The following TAMM41 variants were observed in gnomAD, a reference collection of about 807,000 sequenced individuals.
TAMM41 encodes the protein TAM41 mitochondrial translocator assembly and maintenance homolog.
A neutral mutation model predicts 44.1 loss-of-function variants in TAMM41; 36 were observed. The observed-to-expected ratio is 0.82, with a 90% CI of 0.63 to 1.08. The LOEUF is 1.08. TAMM41 is among the 50% of genes least tolerant of loss of function. TAMM41 has a pLI of 0.00. For synonymous variants in TAMM41, 164 were observed against 153.1 expected (o/e 1.07, Z -0.53); for missense variants, 417 against 404.3 (o/e 1.03, Z -0.27).
chr3:11,746,039 G>A, the TAMM41 span, among the ~76,000 whole-genome samples: 1 of 152,146 alleles, frequency 6.6e-6, no homozygotes, highest in Admixed American at 6.6e-5. Flanking sequence ...GGTCGCTCAC[G>A]CCTGTAATCC....
chr3:11,735,608 C>T, the TAMM41 span, among the ~76,000 whole-genome samples: 3 of 151,990 alleles, frequency 2.0e-5, no homozygotes, highest in Non-Finnish European at 4.4e-5. Flanking sequence ...GCACTCCAGC[C>T]TGGGTAACAA....
chr3:11,756,585 G>T, the TAMM41 span, among the ~76,000 whole-genome samples: 1 of 152,188 alleles, frequency 6.6e-6, no homozygotes, highest in African/African-American at 2.4e-5. Flanking sequence ...GTCTTCTGGG[G>T]CCAGGTGTGG....
the TAMM41 span, among the ~76,000 whole-genome samples, chr3:11,727,795 T>C: frequency 6.6e-6 from 1 of 150,796 alleles, no homozygotes; most frequent in Non-Finnish European, 1.5e-5. Context: ...TTAATTTTTT[T>C]TTTTTTTTTG....
intron 2 of TAMM41, among the ~76,000 whole-genome samples, chr3:11,842,221 C>G (rs1343796974): frequency 6.6e-6 from 1 of 151,858 alleles, no homozygotes; most frequent in Non-Finnish European, 1.5e-5. Context: ...AAACCCCACT[C>G]TACTAAAAAC....
intron 5 of TAMM41, among the ~76,000 whole-genome samples, chr3:11,815,898 C>T (rs1005314783): frequency 7.2e-5 from 11 of 152,136 alleles, no homozygotes; most frequent in South Asian, 6.2e-4. Context: ...AATGTGGGAA[C>T]GTATGCAGCA....
the TAMM41 span, among the ~76,000 whole-genome samples, chr3:11,768,104 C>T: frequency 6.6e-5 from 10 of 150,494 alleles, no homozygotes; most frequent in African/African-American, 2.4e-4. Flanking sequence ...GCTTATTGGC[C>T]ATTTGCATAT....
At chr3:11,786,088 TCG>T (rs1474507528), downstream of TAMM41, among the ~76,000 whole-genome samples, 13 of 152,114 alleles carry the variant, frequency 8.5e-5, no homozygotes, top group Non-Finnish European at 7.4e-5. Flanking sequence ...AGACAGAGTC[TCG>T]CTCTGGTGCC....
At position 11,809,507 on chromosome 3, in the gene TAMM41, A is replaced by T. The variant is rs1248556056; in HGVS notation, c.874+10T>A. 12 of 1,612,674 alleles carry T rather than the reference A, an allele frequency of 7.4e-6. No individual in the cohort carries two copies. The highest frequency in any genetic ancestry group is 9.3e-6 in the Non-Finnish European group (11 of 1,179,738). ...CTGGCATTTCCTCAACATCAAATTC[A>T]TAAACGTACCTAGTCGCACCACATC... On this transcript the variant is annotated intron_variant, in intron 6 of 7. Transcript: ENST00000455809.
chr3:11,841,210 G>A (rs902993857), intron 2 of TAMM41, among the ~76,000 whole-genome samples: 1 of 151,204 alleles, frequency 6.6e-6, no homozygotes, highest in Admixed American at 6.6e-5. Context: ...AGTCTCCAGA[G>A]TAGCTGGAAC....
chr3:11,755,400 A>G, the TAMM41 span, among the ~76,000 whole-genome samples: 1 of 152,150 alleles, frequency 6.6e-6, no homozygotes, highest in African/African-American at 2.4e-5. Context: ...GGGATTGAGG[A>G]AGGCCTGTTG....
In TAMM41 at chr3:11,839,240, A is replaced by G. The variant is rs1244318352; in HGVS notation, c.393T>C (p.Ala131=). The change falls in exon 3 of 8, where the codon GCT becomes GCC. Residue 131 remains alanine (A), a synonymous_variant. Coordinates refer to ENST00000455809, the MANE Select transcript of TAMM41 (RefSeq NM_001284401.2). ...DLLNWNNLYI[A]GRLQKPVKII... Reference sequence around the variant, plus strand: ...CACTCACCGGTTTTTGGAGTCGTCCAGCAATGTATAAGTTATTCCAGTTGA... The same window carrying G: ...CACTCACCGGTTTTTGGAGTCGTCCGGCAATGTATAAGTTATTCCAGTTGA... 1.9e-6 allele frequency: 3 copies of G among 1,613,442 alleles called. No individual in the cohort carries two copies. Among genetic ancestry groups the G allele is most frequent in the Admixed American group, 3.3e-5 (2 of 60,018 alleles).
At chr3:11,833,310 G>A (rs193193518) in intron 3 of TAMM41, among the ~76,000 whole-genome samples, 1 of 152,308 alleles carries the variant, frequency 6.6e-6, no homozygotes, top group Admixed American at 6.5e-5. Context: ...TTTCAAAGGA[G>A]ATATTTGTGA....
At chr3:11,795,734 G>A (rs981584877) in intron 7 of TAMM41, among the ~76,000 whole-genome samples, 4 of 152,084 alleles carry the variant, frequency 2.6e-5, no homozygotes, top group Non-Finnish European at 4.4e-5. Context: ...CCACACCAGA[G>A]TACTCAGACA....
At chr3:11,723,830 A>G in the TAMM41 span, among the ~76,000 whole-genome samples, 1 of 152,088 alleles carries the variant, frequency 6.6e-6, no homozygotes, top group African/African-American at 2.4e-5. Flanking sequence ...ATGAGAATAT[A>G]TTTCAACCCA....
intron 5 of TAMM41, among the ~76,000 whole-genome samples, chr3:11,812,790 T>C (rs1249734337): frequency 6.6e-6 from 1 of 152,026 alleles, no homozygotes; most frequent in South Asian, 2.1e-4. Flanking sequence ...ATTTTGATGG[T>C]TAGTGGACAA....
intron 3 of TAMM41, among the ~76,000 whole-genome samples, chr3:11,831,308 G>A (rs1293997975): frequency 1.3e-5 from 2 of 152,176 alleles, no homozygotes; most frequent in East Asian, 1.9e-4. Context: ...GCAATGCCCA[G>A]GGACCACATT....
the TAMM41 span, among the ~76,000 whole-genome samples, chr3:11,738,284 C>G: frequency 2.0e-5 from 3 of 152,168 alleles, no homozygotes; most frequent in Non-Finnish European, 4.4e-5. Context: ...GGTTTTGAAT[C>G]CCAACTCAAC....
intron 5 of TAMM41, among the ~76,000 whole-genome samples, chr3:11,813,601 A>G (rs1294518511): frequency 1.3e-5 from 2 of 152,128 alleles, no homozygotes; most frequent in African/African-American, 4.8e-5. Flanking sequence ...CCAGTTGACA[A>G]GCCTGATATA....
At chr3:11,756,210 A>G in the TAMM41 span, among the ~76,000 whole-genome samples, 1 of 152,198 alleles carries the variant, frequency 6.6e-6, no homozygotes, top group African/African-American at 2.4e-5. Context: ...ATGCTTTTCA[A>G]TTCTAGAGTC....
Sources: allele counts gnomAD v4.1 joint callset (sites outside exome capture counted in the v4.1 genomes callset), GRCh38; gene constraint gnomAD v4.1.1; transcripts MANE v1.5; gene names NCBI Gene and HGNC (gene_info 2026-07-23, HGNC 2026-07-21).